The following NUDT3 variants were observed in gnomAD, a reference collection of about 807,000 sequenced individuals.
NUDT3 encodes the protein nudix hydrolase 3.
A neutral mutation model predicts 23.6 loss-of-function variants in NUDT3; 9 were observed. The ratio of observed to expected loss-of-function variants is 0.38; its 90% CI spans 0.23 to 0.66. NUDT3 has a LOEUF of 0.66. NUDT3 is among the 30% of genes least tolerant of loss of function. The pLI, the probability that NUDT3 is intolerant of heterozygous loss-of-function variation, is 0.52. For synonymous variants in NUDT3, 86 were observed against 82.6 expected (o/e 1.04, Z -0.22); for missense variants, 172 against 218.5 (o/e 0.79, Z 1.34).
intron 1 of NUDT3, among the ~76,000 whole-genome samples, chr6:34,381,516 C>CAA (rs1051089983): frequency 6.7e-6 from 1 of 150,284 alleles, no homozygotes; most frequent in Non-Finnish European, 1.5e-5. Context: ...ATTGAACCTA[C>CAA]AAAAAAAAAC....
intron 1 of NUDT3, among the ~76,000 whole-genome samples, chr6:34,345,402 G>A (rs576561563): frequency 1.1e-3 from 168 of 151,800 alleles, no homozygotes; most frequent in East Asian, 0.011. Flanking sequence ...GGTAGCTCAC[G>A]GCTGTAATCC....
intron 2 of NUDT3, among the ~76,000 whole-genome samples, chr6:34,323,666 T>C (rs1173096126): frequency 2.0e-5 from 3 of 152,110 alleles, no homozygotes; most frequent in South Asian, 2.1e-4. Context: ...TGCTAAAGAA[T>C]AGAATTTAGG....
intron 1 of NUDT3, among the ~76,000 whole-genome samples, chr6:34,386,043 A>G (rs959509453): frequency 2.0e-5 from 3 of 152,212 alleles, no homozygotes; most frequent in Non-Finnish European, 2.9e-5. Context: ...TAACAAGTAC[A>G]ATGAACATAA....
In NUDT3 at chr6:34,285,743, G is replaced by T. The variant is rs1231603360; in HGVS notation, c.*3010C>A. The T allele has an allele frequency of 1.3e-5, 2 of 152,198 alleles. No homozygotes were observed. The highest frequency in any genetic ancestry group is 2.9e-5 in the Non-Finnish European group (2 of 68,034). The allele number at this position is 152,198 out of a possible 1,614,324, so 9.4% of individuals were successfully genotyped here. On this transcript the variant is annotated 3_prime_UTR_variant, in exon 5 of 5. Transcript: ENST00000607016. ...TGTGACGACATTCTCAATAAAGACA[G>T]TCATGGTGTTTACTGTGCCAAGGAG...
chr6:34,331,908 G>C (rs1309734155), intron 2 of NUDT3, among the ~76,000 whole-genome samples: 2 of 152,010 alleles, frequency 1.3e-5, no homozygotes, highest in Non-Finnish European at 1.5e-5. Context: ...ACAGGGTCTT[G>C]ATCTGTCACC....
At chr6:34,363,376 T>C (rs1397502078) in intron 1 of NUDT3, among the ~76,000 whole-genome samples, 1 of 152,184 alleles carries the variant, frequency 6.6e-6, no homozygotes, top group Non-Finnish European at 1.5e-5. Context: ...GCAAAAGAGA[T>C]TAGCAGAAAC....
At chr6:34,316,248 T>TA (rs1763856299) in intron 2 of NUDT3, among the ~76,000 whole-genome samples, 1 of 152,196 alleles carries the variant, frequency 6.6e-6, no homozygotes, top group African/African-American at 2.4e-5. Context: ...TGTGGACCCC[T>TA]ACCAAGTCTC....
chr6:34,391,402 G>A (rs1004788085), intron 1 of NUDT3, among the ~76,000 whole-genome samples: 2 of 152,122 alleles, frequency 1.3e-5, no homozygotes, highest in African/African-American at 4.8e-5. Flanking sequence ...TACAAAACAT[G>A]TGCTTCTCTG....
At chr6:34,345,652 G>A in intron 1 of NUDT3, among the ~76,000 whole-genome samples, 1 of 130,318 alleles carries the variant, frequency 7.7e-6, no homozygotes, top group Non-Finnish European at 1.6e-5. Flanking sequence ...GACAGAGCGA[G>A]ACTCCGTCCC....
chr6:34,348,323 C>CA (rs777537795), intron 1 of NUDT3, among the ~76,000 whole-genome samples: 14,407 of 146,748 alleles, frequency 0.098, 768 homozygotes, highest in Non-Finnish European at 0.12. Context: ...CGCCCCCCAC[C>CA]AAAAAAAAAA....
At chr6:34,355,500 G>T (rs1246530087) in intron 1 of NUDT3, among the ~76,000 whole-genome samples, 1 of 152,008 alleles carries the variant, frequency 6.6e-6, no homozygotes, top group Non-Finnish European at 1.5e-5. Flanking sequence ...TTCTTGTAAT[G>T]TACCATCTTG....
At chr6:34,351,227 C>G (rs866490985) in intron 1 of NUDT3, among the ~76,000 whole-genome samples, 1 of 26,332 alleles carries the variant, frequency 3.8e-5, no homozygotes, top group Non-Finnish European at 8.0e-5. Flanking sequence ...AAAAAAAAAA[C>G]ACTTTGGGAG....
intron 1 of NUDT3, among the ~76,000 whole-genome samples, chr6:34,361,834 C>CAGT (rs1238455663): frequency 1.3e-5 from 2 of 152,096 alleles, no homozygotes; most frequent in Non-Finnish European, 2.9e-5. Context: ...GACAGTAGAT[C>CAGT]AGTGGTTGTT....
At chr6:34,356,512 G>A (rs1764563587) in intron 1 of NUDT3, among the ~76,000 whole-genome samples, 1 of 152,118 alleles carries the variant, frequency 6.6e-6, no homozygotes, top group African/African-American at 2.4e-5. Flanking sequence ...AAAGGATTCA[G>A]GAGTTAACTT....
At chr6:34,384,726 G>A (rs545769316) in intron 1 of NUDT3, among the ~76,000 whole-genome samples, 43 of 152,212 alleles carry the variant, frequency 2.8e-4, no homozygotes, top group African/African-American at 8.9e-4. Context: ...TAAAGGATAC[G>A]GTTGATTAAA....
chr6:34,343,048 A>C (rs560865104), intron 1 of NUDT3, among the ~76,000 whole-genome samples: 5 of 152,332 alleles, frequency 3.3e-5, no homozygotes, highest in African/African-American at 1.2e-4. Flanking sequence ...GATTCAGAGA[A>C]GATCATGGTG....
chr6:34,317,564 C>T lies in NUDT3; in HGVS notation c.211-21879G>A, dbSNP rs114940475. On this transcript the variant is annotated intron_variant, in intron 2 of 4. Coordinates refer to ENST00000607016, the MANE Select transcript of NUDT3 (RefSeq NM_006703.4). ...GGTATTCAAGCTTTTCTCCCACCCC[C>T]CCAACAGTATTTTGCTCTCAGCCTT... is the stretch of plus-strand genomic sequence containing the variant. Among the ~76,000 whole-genome samples, 486 of 152,246 alleles carry T rather than the reference C, an allele frequency of 3.2e-3. 4 individuals carry two copies. The highest frequency in any genetic ancestry group is 0.027 in the Middle Eastern group (8 of 294).
intron 2 of NUDT3, among the ~76,000 whole-genome samples, chr6:34,304,503 C>A (rs542943535): frequency 2.2e-4 from 33 of 152,172 alleles, no homozygotes; most frequent in Admixed American, 9.2e-4. Context: ...ATGTAACTAT[C>A]CTCCTCTAAA....
At chr6:34,377,090 T>C (rs1366528658) in intron 1 of NUDT3, among the ~76,000 whole-genome samples, 1 of 152,170 alleles carries the variant, frequency 6.6e-6, no homozygotes, top group African/African-American at 2.4e-5. Context: ...AATGAAGCAC[T>C]CCGGAAGCAC....
Sources: gnomAD v4.1 joint callset for allele counts (sites outside exome capture counted in the v4.1 genomes callset) on GRCh38, gnomAD v4.1.1 for gene constraint, MANE v1.5 for transcripts, NCBI Gene and HGNC (gene_info 2026-07-23, HGNC 2026-07-21) for gene names.